RUNX2: variants seen among roughly 807,000 people sequenced by gnomAD.
RUNX2 encodes RUNX family transcription factor 2, also known as runt-related transcription factor 2.
RUNX2 carries 10 observed loss-of-function variants against 51.7 expected under a neutral mutation model. That is an observed-to-expected ratio of 0.19 (90% CI 0.12 to 0.33). The LOEUF (loss-of-function observed/expected upper bound fraction) is 0.33, where lower values mean the gene tolerates loss of function less well. RUNX2 is among the 10% of genes least tolerant of loss of function. The pLI is 1.00. For missense variants in RUNX2, 562 were observed against 691.3 expected (o/e 0.81, Z 2.10); for synonymous variants, 276 against 273.6 (o/e 1.01, Z -0.09).
rs191699917 is a variant in RUNX2 at position 45,510,154 on chromosome 6, T to C, written c.860-2092T>C. Among the ~76,000 whole-genome samples the C allele has an allele frequency of 3.3e-5, 5 of 152,314 alleles. No individual in the cohort carries two copies. In the East Asian group the frequency reaches 9.6e-4, roughly 29 times the overall value. ...ATATCAGATATATAACAAGGACCAG[T>C]CACTCAGATTTGAAATGTTGCCAAT... On this transcript the variant is annotated intron_variant, in intron 6 of 8. Transcript: ENST00000647337.
At chr6:45,390,934 A>G (rs757882495) in intron 2 of RUNX2, among the ~76,000 whole-genome samples, 5 of 152,188 alleles carry the variant, frequency 3.3e-5, no homozygotes, top group Non-Finnish European at 5.9e-5. Flanking sequence ...ATTATTATAG[A>G]TTGGCTTTAG....
At chr6:45,460,683 C>G (rs1799449526) in intron 5 of RUNX2, among the ~76,000 whole-genome samples, 1 of 151,796 alleles carries the variant, frequency 6.6e-6, no homozygotes, top group African/African-American at 2.4e-5. Context: ...CACTTGAGGC[C>G]AGGAGTTCGA....
intron 2 of RUNX2, among the ~76,000 whole-genome samples, chr6:45,383,538 C>A (rs769743717): frequency 1.8e-4 from 28 of 151,906 alleles, no homozygotes; most frequent in Non-Finnish European, 3.8e-4. Flanking sequence ...AATAAAGTTC[C>A]ATTTAGACCT....
At chr6:45,485,689 G>GTATATATATATATA (rs1563107039) in intron 5 of RUNX2, among the ~76,000 whole-genome samples, 3 of 75,678 alleles carry the variant, frequency 4.0e-5, no homozygotes, top group Non-Finnish European at 9.0e-5. Flanking sequence ...GTGTGTGTGT[G>GTATATATATATATA]TGTGTGTGTA....
At chr6:45,455,213 G>A (rs904786155) in intron 5 of RUNX2, among the ~76,000 whole-genome samples, 4 of 152,224 alleles carry the variant, frequency 2.6e-5, no homozygotes, top group Non-Finnish European at 5.9e-5. Context: ...AAACAACTGC[G>A]TTAGAAAATA....
intron 2 of RUNX2, among the ~76,000 whole-genome samples, chr6:45,410,365 A>C (rs149014884): frequency 2.4e-4 from 36 of 152,344 alleles, no homozygotes; most frequent in Middle Eastern, 3.4e-3. Context: ...AGATATGAAT[A>C]ATATTCAAGA....
intron 2 of RUNX2, among the ~76,000 whole-genome samples, chr6:45,346,013 C>T (rs897680646): frequency 6.6e-6 from 1 of 152,148 alleles, no homozygotes; most frequent in Non-Finnish European, 1.5e-5. Context: ...CAAATCTCTA[C>T]AGGGCTAAAT....
intron 2 of RUNX2, among the ~76,000 whole-genome samples, chr6:45,344,270 T>C (rs932554079): frequency 2.6e-5 from 4 of 152,206 alleles, no homozygotes; most frequent in African/African-American, 9.7e-5. Context: ...TTTTCAATCT[T>C]ATTTCTTATA....
chr6:45,411,420 T>A (rs1473022533), intron 2 of RUNX2, among the ~76,000 whole-genome samples: 8 of 152,178 alleles, frequency 5.3e-5, no homozygotes, highest in Non-Finnish European at 8.8e-5. Context: ...TATAGAAAGT[T>A]TGACTTTGAA....
At chr6:45,530,271 A>G (rs1236353324) in intron 7 of RUNX2, among the ~76,000 whole-genome samples, 1 of 152,242 alleles carries the variant, frequency 6.6e-6, no homozygotes, top group Non-Finnish European at 1.5e-5. Context: ...TAGAATGTCT[A>G]GTTAGAAGTT....
At chr6:45,401,554 G>T (rs1198143607) in intron 2 of RUNX2, among the ~76,000 whole-genome samples, 1 of 152,134 alleles carries the variant, frequency 6.6e-6, no homozygotes, top group Non-Finnish European at 1.5e-5. Flanking sequence ...CAAAAAAGAG[G>T]TATGATTTTT....
chr6:45,472,370 A>G (rs1799828889), intron 5 of RUNX2, among the ~76,000 whole-genome samples: 1 of 152,226 alleles, frequency 6.6e-6, no homozygotes, highest in South Asian at 2.1e-4. Context: ...TCAGATGTAT[A>G]TGATGTTGGA....
At chr6:45,404,643 CA>C (rs1797795019) in intron 2 of RUNX2, among the ~76,000 whole-genome samples, 1 of 152,206 alleles carries the variant, frequency 6.6e-6, no homozygotes, top group African/African-American at 2.4e-5. Flanking sequence ...GCATATTAGA[CA>C]TCAACAGACA....
At chr6:45,427,442 A>G (rs944060217) in intron 3 of RUNX2, among the ~76,000 whole-genome samples, 10 of 152,084 alleles carry the variant, frequency 6.6e-5, no homozygotes, top group Non-Finnish European at 1.3e-4. Flanking sequence ...TTTTCTCTAA[A>G]ATTCAATGGG....
At chr6:45,373,905 A>G (rs903775174) in intron 2 of RUNX2, among the ~76,000 whole-genome samples, 2 of 152,232 alleles carry the variant, frequency 1.3e-5, no homozygotes, top group East Asian at 1.9e-4. Context: ...AATAGTGCCT[A>G]TTATACACTA....
chr6:45,498,814 G>A (rs994074679), intron 6 of RUNX2, among the ~76,000 whole-genome samples: 4 of 152,282 alleles, frequency 2.6e-5, no homozygotes, highest in Non-Finnish European at 4.4e-5. Flanking sequence ...TGCTTGTCCC[G>A]AAACATTTAC....
intron 2 of RUNX2, among the ~76,000 whole-genome samples, chr6:45,370,081 A>G (rs1366552799): frequency 6.6e-6 from 1 of 152,204 alleles, no homozygotes; most frequent in Admixed American, 6.5e-5. Context: ...GAAATGTTTT[A>G]GGTTTAAAAA....
At chr6:45,426,646 T>C (rs745932416) in intron 3 of RUNX2, among the ~76,000 whole-genome samples, 17 of 152,256 alleles carry the variant, frequency 1.1e-4, no homozygotes, top group Non-Finnish European at 2.1e-4. Context: ...CTGGACTACA[T>C]ATATTTATCA....
intron 5 of RUNX2, among the ~76,000 whole-genome samples, chr6:45,453,783 C>T (rs961867969): frequency 6.6e-6 from 1 of 152,190 alleles, no homozygotes; most frequent in Non-Finnish European, 1.5e-5. Flanking sequence ...CACATTGACT[C>T]TCTTTGGGTA....
Sources: gnomAD v4.1 joint callset for allele counts (sites outside exome capture counted in the v4.1 genomes callset) on GRCh38, gnomAD v4.1.1 for gene constraint, MANE v1.5 for transcripts, NCBI Gene and HGNC (gene_info 2026-07-23, HGNC 2026-07-21) for gene names.